Variants in YBX3 observed in about 807,000 individuals in gnomAD.
YBX3 encodes Y-box binding protein 3, also known as Y-box-binding protein 3.
YBX3 carries 29 observed loss-of-function variants against 42.4 expected under a neutral mutation model. The observed-to-expected ratio is 0.68, with a 90% CI of 0.51 to 0.93. YBX3 has a LOEUF of 0.93. Among genes scored for constraint, YBX3 ranks in the 40% least tolerant of loss-of-function variants. The pLI is 0.00. For synonymous variants in YBX3, 195 were observed against 189.8 expected, an observed-to-expected ratio of 1.03 and a Z score of -0.22; for missense variants, 517 against 527.5, an observed-to-expected ratio of 0.98 and a Z score of 0.19.
chr12:10,723,023 G>T lies in YBX3; in HGVS notation c.89C>A (p.Pro30His). 1 of 1,203,102 alleles carries T rather than the reference G, an allele frequency of 8.3e-7. No homozygotes were observed. The highest frequency in any genetic ancestry group is 1.0e-6 in the Non-Finnish European group (1 of 970,528). 74.5% of individuals were successfully genotyped at this position (1,203,102 alleles called of 1,614,324 possible). ...GCTGCCCACCGGGCTCTTGGGCGCGGGGTCCTGGGGAGCCGCGGCGGCCGC... is the reference window on the plus strand; with the variant it reads ...GCTGCCCACCGGGCTCTTGGGCGCGTGGTCCTGGGGAGCCGCGGCGGCCGC... ...TEAAAAAPQD[P>H]APKSPVGSGA... Residue 30 changes from proline (P) to histidine (H), a missense_variant, in exon 1 of 10, where the codon CCC becomes CAC. Coordinates refer to ENST00000228251, the MANE Select transcript of YBX3 (RefSeq NM_003651.5).
Position 10,718,092 on chromosome 12 carries a change from T to C in YBX3, c.356A>G (p.His119Arg). 4 of 1,612,042 alleles carry C rather than the reference T, an allele frequency of 2.5e-6. No individual in the cohort carries two copies. Among genetic ancestry groups the C allele is most frequent in the Non-Finnish European group, 3.4e-6 (4 of 1,178,986 alleles). The change falls in exon 3 of 10, where the codon CAT (histidine) becomes CGT (arginine). Residue 119 changes from histidine to arginine, a missense_variant. By Grantham distance (29) the His-to-Arg change is conservative. Coordinates refer to ENST00000228251, the MANE Select transcript of YBX3 (RefSeq NM_003651.5). ...AGTATTTATAATCCCTCTTACCTGA[T>C]GTACAAATACATCTTCTTTGGTGTC... ...RNDTKEDVFV[H>R]QTAIKKNNPR...
chr12:10,715,859 C>T (rs1948256226), intron 3 of YBX3, 76 bp from the exon 4 acceptor site: 1 of 1,230,470 alleles, frequency 8.1e-7, no homozygotes, highest in Admixed American at 1.8e-5. Context: ...TCAAGTACAC[C>T]AGAGTGAACT....
chr12:10,709,391 A>G (rs116808263), intron 6 of YBX3, among the ~76,000 whole-genome samples: 1 of 152,224 alleles, frequency 6.6e-6, no homozygotes, highest in Non-Finnish European at 1.5e-5. Flanking sequence ...GCCTTTAAAA[A>G]TCAGCACTGT....
intron 7 of YBX3, 110 bp from the exon 8 acceptor site, chr12:10,702,244 G>C (rs1948090106): frequency 3.7e-6 from 4 of 1,088,732 alleles, no homozygotes; most frequent in Non-Finnish European, 5.0e-6. Flanking sequence ...ATCAGGGCCA[G>C]GCATGATGGC....
At chr12:10,702,238 G>T in intron 7 of YBX3, 104 bp from the exon 8 acceptor site, 2 of 1,212,190 alleles carry the variant, frequency 1.6e-6, no homozygotes, top group Non-Finnish European at 1.1e-6. Flanking sequence ...CAAGTGATCA[G>T]GGCCAGGCAT....
chr12:10,714,177 TA>T (rs2120958750), intron 4 of YBX3, among the ~76,000 whole-genome samples: 1 of 152,314 alleles, frequency 6.6e-6, no homozygotes, highest in South Asian at 2.1e-4. Flanking sequence ...CCGGTAAAGA[TA>T]ATCACTTAAA....
At chr12:10,708,639 C>T (rs1948164488) in intron 6 of YBX3, among the ~76,000 whole-genome samples, 1 of 152,290 alleles carries the variant, frequency 6.6e-6, no homozygotes, top group African/African-American at 2.4e-5. Context: ...GAAAGTCAGC[C>T]ATTCAGTCAA....
At position 10,723,242 on chromosome 12, in the gene YBX3, CGGCCGAGGTGGGGTCGCGCGGCGGA is replaced by C. The variant is rs1427094594; in HGVS notation, c.-156_-132del. 11 of 1,163,528 alleles carry C rather than the reference CGGCCGAGGTGGGGTCGCGCGGCGGA, an allele frequency of 9.5e-6. No individual in the cohort carries two copies. The Admixed American group carries it at 1.4e-4, about 15-fold the overall frequency. 72.1% of individuals were successfully genotyped at this position (1,163,528 alleles called of 1,614,324 possible). Reference sequence around the variant, plus strand: ...GCGGATCTCGCGGCGCAGGCGGCGGCGGCCGAGGTGGGGTCGCGCGGCGGAGGCGGCTCGAGCTTCGTGCTGCGCG... The same window carrying C: ...GCGGATCTCGCGGCGCAGGCGGCGGCGGCGGCTCGAGCTTCGTGCTGCGCG... On this transcript the variant is annotated 5_prime_UTR_variant, in exon 1 of 10. Coordinates refer to ENST00000228251, the MANE Select transcript of YBX3 (RefSeq NM_003651.5).
rs922438919 is a variant in YBX3 at position 10,715,947 on chromosome 12, C to A, written c.361-164G>T. On this transcript the variant is annotated intron_variant, in intron 3 of 9. Transcript: ENST00000228251. ...GATCTCCAACACAACAACAAGAAAG[C>A]ACTATAAAACTATATTCCACATTAC... The A allele has an allele frequency of 8.3e-6, 5 of 603,840 alleles. No individual in the cohort carries two copies. In the African/African-American group the frequency reaches 9.3e-5, roughly 11 times the overall value. 37.4% of individuals were successfully genotyped at this position (603,840 alleles called of 1,614,324 possible). A position where few individuals can be genotyped will look rare whatever the true frequency, so the allele number is the denominator to read the frequency against.
chr12:10,715,967 C>T (rs554759260), intron 3 of YBX3, 184 bp from the exon 4 acceptor site: 3 of 573,956 alleles, frequency 5.2e-6, no homozygotes, highest in South Asian at 2.0e-5. Context: ...CTATATTCCA[C>T]ATTACTTCCT....
rs1948055678 is a variant in YBX3 at position 10,699,461 on chromosome 12, G to A, written c.*228C>T. ...CTTGTCTTCCGTGCAGGAATTCCCAGGTTCTCAGCTTGCTGGAAAAATTTG... is the reference window on the plus strand; with the variant it reads ...CTTGTCTTCCGTGCAGGAATTCCCAAGTTCTCAGCTTGCTGGAAAAATTTG... On this transcript the variant is annotated 3_prime_UTR_variant, in exon 10 of 10. Coordinates refer to ENST00000228251, the MANE Select transcript of YBX3 (RefSeq NM_003651.5). 6.6e-6 allele frequency: 1 copy of A among 152,590 alleles called. No homozygotes were observed. Among genetic ancestry groups the A allele is most frequent in the African/African-American group, 2.4e-5 (1 of 41,442 alleles). 9.5% of individuals were successfully genotyped at this position (152,590 alleles called of 1,614,324 possible). A position where few individuals can be genotyped will look rare whatever the true frequency, so the allele number is the denominator to read the frequency against.
At chr12:10,699,791 T>C (rs1948059142) in intron 9 of YBX3, 137 bp from the exon 10 acceptor site, 1 of 152,594 alleles carries the variant, frequency 6.6e-6, no homozygotes, top group Admixed American at 6.5e-5. Flanking sequence ...TCACATCTTG[T>C]ATAGATCTGT....
chr12:10,710,030 G>T lies in YBX3; in HGVS notation c.658C>A (p.Arg220=), dbSNP rs775987486. The T allele has an allele frequency of 6.2e-7, 1 of 1,614,020 alleles. No homozygotes were observed. Among genetic ancestry groups the T allele is most frequent in the Non-Finnish European group, 8.5e-7 (1 of 1,179,946 alleles). ...TACTGGGGGCGGCGCAGCTGATTCC[G>T]GGCCCCAGAGAACTGCCTATCAGTG... ...PATDRQFSGA[R]NQLRRPQYRP... Residue 220 remains arginine (R), a synonymous_variant, in exon 6 of 10, where the codon CGG becomes AGG. Transcript: ENST00000228251.
chr12:10,710,146 A>T (rs769433743), intron 5 of YBX3, 32 bp from the exon 6 acceptor site: 2 of 1,601,268 alleles, frequency 1.2e-6, no homozygotes, highest in South Asian at 2.2e-5. Context: ...GATTCAGAAG[A>T]AGTTTTAGCA....
chr12:10,718,046 C>T, intron 3 of YBX3, 42 bp downstream of exon 3: 1 of 1,553,772 alleles, frequency 6.4e-7, no homozygotes, highest in Non-Finnish European at 8.8e-7. Flanking sequence ...ATTACACACC[C>T]TCTCCTCACA....
intron 6 of YBX3, among the ~76,000 whole-genome samples, chr12:10,707,791 CAT>C (rs1206034912): frequency 1.3e-5 from 2 of 152,226 alleles, no homozygotes; most frequent in Admixed American, 1.3e-4. Context: ...ATCCCCATCA[CAT>C]GAGCCTCTCT....
chr12:10,713,080 G>A, intron 5 of YBX3, 131 bp downstream of exon 5: 1 of 1,237,258 alleles, frequency 8.1e-7, no homozygotes. Context: ...TTCCTCTAAA[G>A]AAAAAATAAA....
Position 10,722,969 on chromosome 12 carries a change from G to C in YBX3, c.143C>G (p.Pro48Arg). 3 of 1,242,464 alleles carry C rather than the reference G, an allele frequency of 2.4e-6. No homozygotes were observed. Among genetic ancestry groups the C allele is most frequent in the Non-Finnish European group, 3.0e-6 (3 of 997,992 alleles). The allele number at this position is 1,242,464 out of a possible 1,614,324, so 77.0% of individuals were successfully genotyped here. ...SGAPQAAAPA[P>R]AAHVAGNPGG... ...GGGGTTTCCTGCGACGTGGGCGGCG[G>C]GCGCCGGGGCCGCGGCCTGGGGCGC... The change falls in exon 1 of 10, where the codon CCC becomes CGC. Residue 48 changes from proline (P) to arginine (R), a missense_variant. Physicochemically the swap from Pro to Arg is moderately radical, Grantham distance 103 (BLOSUM62 -2). Coordinates refer to ENST00000228251, the MANE Select transcript of YBX3 (RefSeq NM_003651.5).
chr12:10,702,165 G>C, intron 7 of YBX3, 31 bp from the exon 8 acceptor site: 1 of 1,592,104 alleles, frequency 6.3e-7, no homozygotes, highest in Non-Finnish European at 8.5e-7. Context: ...AATAGAACAG[G>C]TGCCAACAGG....
Sources: allele counts gnomAD v4.1 joint callset (sites outside exome capture counted in the v4.1 genomes callset), GRCh38; gene constraint gnomAD v4.1.1; transcripts MANE v1.5; gene names NCBI Gene and HGNC (gene_info 2026-07-23, HGNC 2026-07-21).